AGO3: variants seen among roughly 807,000 people sequenced by gnomAD.
The protein encoded by AGO3 is argonaute RISC catalytic component 3.
Under a neutral mutation model 105.5 loss-of-function variants are expected in AGO3, and 16 were observed. That is an observed-to-expected ratio of 0.15 (90% confidence interval 0.10 to 0.23). AGO3 has a LOEUF of 0.23. Among genes scored for constraint, AGO3 ranks in the 10% least tolerant of loss-of-function variants. AGO3 has a pLI of 1.00. For missense variants in AGO3, 534 were observed against 1,088.0 expected (o/e 0.49, Z 7.16); for synonymous variants, 340 against 367.3 (o/e 0.93, Z 0.85).
chr1:35,990,041 G>T (rs1438572903), intron 5 of AGO3, among the ~76,000 whole-genome samples: 1 of 152,006 alleles, frequency 6.6e-6, no homozygotes, highest in Non-Finnish European at 1.5e-5. Context: ...GTATAAGTTG[G>T]TAGTATCATC....
At position 36,049,985 on chromosome 1, in the gene AGO3, C is replaced by T. The variant is rs1642637902; in HGVS notation, c.2275-4961C>T. ...ATAGTAGTTGAGAACTTCAACACCC[C>T]ACTGTCAGCGCTTGACAGATCATCT... On this transcript the variant is annotated intron_variant, in intron 17 of 18. Transcript: ENST00000373191. Among the ~76,000 whole-genome samples, 5 of 152,304 alleles carry T rather than the reference C, an allele frequency of 3.3e-5. No individual in the cohort carries two copies. In the South Asian group the frequency reaches 1.0e-3, roughly 32 times the overall value.
Position 36,058,930 on chromosome 1 carries a change from T to C in AGO3, c.*3185T>C, listed in dbSNP as rs1642991211. 6.6e-6 allele frequency: 1 copy of C among 152,170 alleles called. No individual in the cohort carries two copies. The highest frequency in any genetic ancestry group is 1.5e-5 in the Non-Finnish European group (1 of 68,032). The allele number at this position is 152,170 out of a possible 1,614,324, so 9.4% of individuals were successfully genotyped here. On this transcript the variant is annotated 3_prime_UTR_variant, in exon 19 of 19. Coordinates refer to ENST00000373191, the MANE Select transcript of AGO3 (RefSeq NM_024852.4). ...TGATAAAAATTTAATTCGTCTATGC[T>C]TGATCAGTGTGAGTAAAACATCTTC... is the stretch of plus-strand genomic sequence containing the variant.
intron 5 of AGO3, among the ~76,000 whole-genome samples, chr1:35,988,442 C>T (rs1186236357): frequency 6.6e-6 from 1 of 152,110 alleles, no homozygotes; most frequent in African/African-American, 2.4e-5. Context: ...CACCATTTGC[C>T]TCAGCCCTCA....
chr1:36,054,813 T>G, intron 17 of AGO3, 133 bp from the exon 18 acceptor site: 1 of 759,128 alleles, frequency 1.3e-6, no homozygotes, highest in Non-Finnish European at 2.2e-6. Flanking sequence ...GCCCCAGAGG[T>G]GGAGGTTGCA....
At chr1:36,054,888 C>A in intron 17 of AGO3, 58 bp from the exon 18 acceptor site, 1 of 1,534,452 alleles carries the variant, frequency 6.5e-7, no homozygotes, top group Non-Finnish European at 9.0e-7. Flanking sequence ...TCTCAAAAAA[C>A]AAAACAAAAC....
At chr1:35,986,046 C>G (rs527437139) in intron 5 of AGO3, among the ~76,000 whole-genome samples, 20 of 152,214 alleles carry the variant, frequency 1.3e-4, no homozygotes, top group African/African-American at 4.8e-4. Flanking sequence ...GCAAAAAGTG[C>G]AAGGTGAAAA....
At position 36,011,594 on chromosome 1, in the gene AGO3, T is replaced by TA. The variant is rs1460658428; in HGVS notation, c.1149+2008dup. Among the ~76,000 whole-genome samples the TA allele has an allele frequency of 4.6e-5, 7 of 152,056 alleles. No homozygotes were observed. The East Asian group carries it at 1.2e-3, about 25-fold the overall frequency. ...GTTCAGAAAGTATCATATGGTAGTT[T>TA]AAAAAAAATAAAACAGACTTTGGAG... On this transcript the variant is annotated intron_variant, in intron 9 of 18. Transcript: ENST00000373191.
chr1:36,001,509 A>G (rs1044811308), intron 5 of AGO3, among the ~76,000 whole-genome samples: 2 of 152,178 alleles, frequency 1.3e-5, no homozygotes, highest in Non-Finnish European at 1.5e-5. Context: ...ATGTTTTACC[A>G]TTTGAGTTCT....
intron 5 of AGO3, among the ~76,000 whole-genome samples, chr1:35,993,039 A>G (rs1167706472): frequency 6.6e-6 from 1 of 152,236 alleles, no homozygotes; most frequent in Admixed American, 6.5e-5. Context: ...AGAGCAAGGC[A>G]GAGGATATAA....
At chr1:36,053,102 G>A (rs1224533462) in intron 17 of AGO3, among the ~76,000 whole-genome samples, 1 of 152,068 alleles carries the variant, frequency 6.6e-6, no homozygotes, top group Non-Finnish European at 1.5e-5. Context: ...CTCTCTTCAA[G>A]TTAAGTTTTA....
intron 1 of AGO3, among the ~76,000 whole-genome samples, chr1:35,941,927 G>C (rs1343214792): frequency 1.3e-5 from 2 of 152,166 alleles, no homozygotes; most frequent in African/African-American, 4.8e-5. Context: ...AGAATTTGTG[G>C]ATTTTCTAAG....
chr1:35,958,069 A>T (rs190696327), intron 2 of AGO3, among the ~76,000 whole-genome samples: 1 of 151,774 alleles, frequency 6.6e-6, no homozygotes, highest in East Asian at 2.0e-4. Flanking sequence ...CTGTATCTTT[A>T]AAAAAAGAAA....
At chr1:35,957,505 C>A (rs569495261) in intron 2 of AGO3, among the ~76,000 whole-genome samples, 1 of 151,952 alleles carries the variant, frequency 6.6e-6, no homozygotes, top group Non-Finnish European at 1.5e-5. Context: ...GCAGGCAGAT[C>A]ACTTGAGGTC....
At position 36,010,917 on chromosome 1, in the gene AGO3, A is replaced by G. The variant is rs572021273; in HGVS notation, c.1149+1323A>G. ...GCGAAACTCTGTCAAAAAAAAAAAA[A>G]AGAGAGAGAGAGAGGGAGGGAGGGA... On this transcript the variant is annotated intron_variant, in intron 9 of 18. Transcript: ENST00000373191. 4.0e-4 allele frequency among the ~76,000 whole-genome samples: 60 copies of G among 150,316 alleles called. 1 individual carries two copies. Among genetic ancestry groups the G allele is most frequent in the African/African-American group, 1.2e-3 (51 of 41,088 alleles).
At chr1:35,960,144 A>G (rs938981985) in intron 2 of AGO3, among the ~76,000 whole-genome samples, 11 of 152,286 alleles carry the variant, frequency 7.2e-5, no homozygotes, top group Middle Eastern at 6.8e-3. Context: ...GTAATATAAT[A>G]GCACCTTTGC....
intron 6 of AGO3, among the ~76,000 whole-genome samples, chr1:36,007,060 C>T (rs1328904129): frequency 6.6e-6 from 1 of 152,170 alleles, no homozygotes; most frequent in African/African-American, 2.4e-5. Context: ...TTCATACTAT[C>T]CCTGGCCTCT....
In AGO3 at chr1:36,040,390, A is replaced by T; in HGVS notation, c.2121A>T (p.Val707=). Residue 707 remains valine (V), a synonymous_variant, in exon 16 of 19, where the codon GTA becomes GTT. Transcript: ENST00000373191. ...KDYQPGITYI[V]VQKRHHTRLF... ...ATCAACCTGGAATAACCTACATTGTAGTTCAGAAGAGACATCACACTCGAT... is the reference window on the plus strand; with the variant it reads ...ATCAACCTGGAATAACCTACATTGTTGTTCAGAAGAGACATCACACTCGAT... 2.5e-6 allele frequency: 4 copies of T among 1,614,058 alleles called. No homozygotes were observed. Among genetic ancestry groups the T allele is most frequent in the Non-Finnish European group, 3.4e-6 (4 of 1,179,962 alleles).
rs532716538 is a variant in AGO3 at position 36,041,286 on chromosome 1, G to C, written c.2172+845G>C. On this transcript the variant is annotated intron_variant, in intron 16 of 18. Coordinates refer to ENST00000373191, the MANE Select transcript of AGO3 (RefSeq NM_024852.4). ...AGACGGAGTCTCACTCTGTCGCCCA[G>C]GTTGGAGTGCGGTGGCGCGATCTCA... Among the ~76,000 whole-genome samples the C allele has an allele frequency of 4.6e-5, 6 of 131,850 alleles. 1 individual carries two copies. The South Asian group carries it at 1.4e-3, about 31-fold the overall frequency. 86.5% of individuals were successfully genotyped at this position (131,850 alleles called of 152,430 possible). A position where few individuals can be genotyped will look rare whatever the true frequency, so the allele number is the denominator to read the frequency against.
intron 12 of AGO3, among the ~76,000 whole-genome samples, chr1:36,033,918 T>C (rs1239979583): frequency 6.6e-6 from 1 of 152,192 alleles, no homozygotes; most frequent in Admixed American, 6.5e-5. Flanking sequence ...ATTGCAGTTA[T>C]GCTATGGCAA....
Sources: allele counts gnomAD v4.1 joint callset (sites outside exome capture counted in the v4.1 genomes callset), GRCh38; gene constraint gnomAD v4.1.1; transcripts MANE v1.5; gene names NCBI Gene and HGNC (gene_info 2026-07-23, HGNC 2026-07-21).